The following PC variants were observed in gnomAD, a reference collection of about 807,000 sequenced individuals.
PC encodes the protein pyruvate carboxylase, mitochondrial.
PC carries 46 observed loss-of-function variants against 107.8 expected under a neutral mutation model. The ratio of observed to expected loss-of-function variants is 0.43; its 90% CI spans 0.34 to 0.55. The LOEUF is 0.55. Ranked by LOEUF, PC falls within the 20% of genes least tolerant of loss-of-function variation. PC has a pLI of 0.04. For synonymous variants in PC, 662 were observed against 684.7 expected, an observed-to-expected ratio of 0.97 and a Z score of 0.52; for missense variants, 1,241 against 1,643.1, an observed-to-expected ratio of 0.76 and a Z score of 4.23.
intron 3 of PC, among the ~76,000 whole-genome samples, chr11:66,917,998 C>A (rs1403587487): frequency 1.3e-5 from 2 of 152,134 alleles, no homozygotes; most frequent in Admixed American, 1.3e-4. Context: ...AGAGCACCCA[C>A]CATCAATTGC....
chr11:66,885,160 C>T (rs1369358843), intron 3 of PC, among the ~76,000 whole-genome samples: 2 of 152,226 alleles, frequency 1.3e-5, no homozygotes, highest in Non-Finnish European at 1.5e-5. Flanking sequence ...AAAAGATACA[C>T]TGAAGTCCTA....
chr11:66,932,645 A>T (rs1175744534), intron 3 of PC, among the ~76,000 whole-genome samples: 1 of 152,188 alleles, frequency 6.6e-6, no homozygotes, highest in African/African-American at 2.4e-5. Flanking sequence ...CCTGGGGGGA[A>T]AGCCTCTTTA....
chr11:66,906,633 C>T (rs193230216), intron 3 of PC, among the ~76,000 whole-genome samples: 1 of 152,044 alleles, frequency 6.6e-6, no homozygotes, highest in African/African-American at 2.4e-5. Flanking sequence ...CAGTCTTTCC[C>T]CCTACGAGCA....
rs1038444814 is a variant in PC, at chr11:66,894,152, G to T, written c.1-21993C>A. Among the ~76,000 whole-genome samples, 12 of 152,218 alleles carry T rather than the reference G, an allele frequency of 7.9e-5. No individual in the cohort carries two copies. The South Asian group carries it at 2.5e-3, about 32-fold the overall frequency. Reference sequence around the variant, plus strand: ...CATGACGGCACTCTTCCTGAAAAGTGGGGTAATTCTCTGACTCCCCACTGT... The same window carrying T: ...CATGACGGCACTCTTCCTGAAAAGTTGGGTAATTCTCTGACTCCCCACTGT... On this transcript the variant is annotated intron_variant, in intron 3 of 22. Coordinates refer to ENST00000393960, the MANE Select transcript of PC (RefSeq NM_001040716.2).
At chr11:66,855,155 A>C (rs1271938733) in intron 12 of PC, among the ~76,000 whole-genome samples, 1 of 152,078 alleles carries the variant, frequency 6.6e-6, no homozygotes, top group Admixed American at 6.5e-5. Flanking sequence ...AGTCATGTGG[A>C]GGGTCCCCAC....
intron 3 of PC, among the ~76,000 whole-genome samples, chr11:66,893,257 C>CA (rs1404051754): frequency 6.6e-6 from 1 of 152,162 alleles, no homozygotes. Context: ...CAGAAATTGG[C>CA]AAACACTATA....
intron 3 of PC, among the ~76,000 whole-genome samples, chr11:66,940,899 T>A (rs4460811): frequency 2.0e-5 from 3 of 151,340 alleles, no homozygotes; most frequent in African/African-American, 7.3e-5. Context: ...CCAGCCTGGC[T>A]AACACGTCTC....
chr11:66,853,191 G>C (rs752936573), intron 13 of PC, 48 bp downstream of exon 13: 1 of 1,602,712 alleles, frequency 6.2e-7, no homozygotes. Context: ...CAAGAGATTG[G>C]AGAGCGGAGG....
chr11:66,912,689 C>T (rs914912222), intron 3 of PC, among the ~76,000 whole-genome samples: 4 of 152,184 alleles, frequency 2.6e-5, no homozygotes, highest in African/African-American at 9.7e-5. Flanking sequence ...TTCACAGGAT[C>T]CTTTTCCTGC....
chr11:66,948,385 T>C (rs1032552789), intron 3 of PC, among the ~76,000 whole-genome samples: 2 of 152,094 alleles, frequency 1.3e-5, no homozygotes, highest in African/African-American at 4.8e-5. Flanking sequence ...AGTTCCATGG[T>C]TTCCTGAAGA....
chr11:66,948,012 AAGATAGATAGAT>A (rs57087967), intron 3 of PC, among the ~76,000 whole-genome samples: 4,174 of 134,630 alleles, frequency 0.031, 152 homozygotes, highest in African/African-American at 0.084. Context: ...ATCTCTACTA[AAGATAGATAGAT>A]AGATAGATAG....
intron 12 of PC, 132 bp from the exon 13 acceptor site, chr11:66,853,515 G>A: frequency 2.1e-5 from 22 of 1,058,270 alleles, no homozygotes; most frequent in Non-Finnish European, 3.2e-5. Flanking sequence ...TCCCTGCAGA[G>A]GGGCACTTCC....
chr11:66,900,024 C>T (rs147595963), intron 3 of PC, among the ~76,000 whole-genome samples: 293 of 152,160 alleles, frequency 1.9e-3, no homozygotes, highest in Non-Finnish European at 3.3e-3. Context: ...ATTGTCTTGG[C>T]GCTCTTACTG....
chr11:66,937,923 C>T (rs1306835963), intron 3 of PC, among the ~76,000 whole-genome samples: 5 of 151,928 alleles, frequency 3.3e-5, no homozygotes, highest in South Asian at 4.1e-4. Flanking sequence ...ACTACAGGTG[C>T]GTGCCACCAC....
chr11:66,943,706 A>T (rs1382427121), intron 3 of PC, among the ~76,000 whole-genome samples: 1 of 126,670 alleles, frequency 7.9e-6, no homozygotes, highest in Non-Finnish European at 1.6e-5. Context: ...TGGTGAGCAG[A>T]GATCGCGCCA....
intron 9 of PC, 144 bp from the exon 10 acceptor site, chr11:66,869,108 A>G (rs1946621965): frequency 6.0e-6 from 4 of 661,940 alleles, no homozygotes; most frequent in Non-Finnish European, 1.1e-5. Context: ...CACAGATGGC[A>G]GACAGACCCC....
In PC at chr11:66,851,222, T is replaced by C; in HGVS notation, c.2041A>G (p.Asn681Asp). The C allele has an allele frequency of 4.4e-6, 7 of 1,607,178 alleles. No homozygotes were observed. Among genetic ancestry groups the C allele is most frequent in the Non-Finnish European group, 5.9e-6 (7 of 1,179,972 alleles). Residue 681 changes from asparagine (N) to aspartate (D), a missense_variant, in exon 17 of 23, where the codon AAC becomes GAC. This residue lies in a region of PC where 1,143 missense variants were observed against 1,551.9 expected (regional missense o/e 0.74). Coordinates refer to ENST00000393960, the MANE Select transcript of PC (RefSeq NM_001040716.2). ...CCCAGCAGCATGTTGGGCAAGTAGT[T>C]GAGGGAGTCAAACACACGGAAGACA... ...MDVFRVFDSL[N>D]YLPNMLLGME...
intron 3 of PC, among the ~76,000 whole-genome samples, chr11:66,928,110 G>A (rs1591293691): frequency 2.0e-5 from 3 of 152,054 alleles, no homozygotes; most frequent in South Asian, 4.1e-4. Flanking sequence ...GTGGCAGGCC[G>A]GGTATGGTGT....
At chr11:66,895,733 G>T (rs1344625606) in intron 3 of PC, among the ~76,000 whole-genome samples, 1 of 152,132 alleles carries the variant, frequency 6.6e-6, no homozygotes, top group East Asian at 1.9e-4. Context: ...TAGAGGGTCA[G>T]TCCAAGAGAT....
Sources: allele counts gnomAD v4.1 joint callset (sites outside exome capture counted in the v4.1 genomes callset), GRCh38; gene constraint gnomAD v4.1.1; regional missense constraint gnomAD v4.1.1; transcripts MANE v1.5; gene names NCBI Gene and HGNC (gene_info 2026-07-23, HGNC 2026-07-21).